BRD7: variants seen among roughly 807,000 people sequenced by gnomAD.
BRD7 encodes bromodomain containing 7.
Under a neutral mutation model 82.1 loss-of-function variants are expected in BRD7, and 15 were observed. The observed-to-expected ratio is 0.18, with a 90% CI of 0.12 to 0.28. The LOEUF (loss-of-function observed/expected upper bound fraction) is 0.28, where lower values mean the gene tolerates loss of function less well. Among genes scored for constraint, BRD7 ranks in the 10% least tolerant of loss-of-function variants. The pLI, the probability that BRD7 is intolerant of heterozygous loss-of-function variation, is 1.00. For missense variants in BRD7, 638 were observed against 779.9 expected (o/e 0.82, Z 2.17); for synonymous variants, 232 against 266.9 (o/e 0.87, Z 1.27).
intron 2 of BRD7, among the ~76,000 whole-genome samples, chr16:50,365,414 C>CT (rs1567293618): frequency 6.6e-6 from 1 of 152,208 alleles, no homozygotes; most frequent in Non-Finnish European, 1.5e-5. Flanking sequence ...CTGACAAACT[C>CT]TGTCTAGGTA....
rs573230428 is a variant in BRD7 at position 50,339,719 on chromosome 16, C to A, written c.702+257G>T. ...CTGGAATTCAGGCTGATGTTTCAAG[C>A]TGATGTTTTATGTCTTAAGAGATAA... On this transcript the variant is annotated intron_variant, in intron 6 of 16. Coordinates refer to ENST00000394688, the MANE Select transcript of BRD7 (RefSeq NM_013263.5). Among the ~76,000 whole-genome samples the A allele has an allele frequency of 7.9e-5, 12 of 152,234 alleles. No individual in the cohort carries two copies. In the East Asian group the frequency reaches 2.3e-3, roughly 29 times the overall value.
chr16:50,324,463 T>C (rs2037252062), intron 11 of BRD7, among the ~76,000 whole-genome samples: 1 of 152,198 alleles, frequency 6.6e-6, no homozygotes, highest in Non-Finnish European at 1.5e-5. Context: ...TCACTGAGAA[T>C]GAAATTCCAA....
Position 50,317,428 on chromosome 16 carries a change from C to T in BRD7, c.*1783G>A, listed in dbSNP as rs2036853956. ...TGGCAAGTCAGGAAGGTTTCTGTTG[C>T]TAATATAACATAGAAACACATTAGT... On this transcript the variant is annotated 3_prime_UTR_variant, in exon 17 of 17. Transcript: ENST00000394688. The T allele has an allele frequency of 6.6e-6, 1 of 152,328 alleles. No homozygotes were observed. The highest frequency in any genetic ancestry group is 6.5e-5 in the Admixed American group (1 of 15,278). 9.4% of individuals were successfully genotyped at this position (152,328 alleles called of 1,614,324 possible).
intron 3 of BRD7, 44 bp from the exon 4 acceptor site, chr16:50,354,526 T>G (rs1186514116): frequency 6.0e-6 from 9 of 1,488,808 alleles, no homozygotes; most frequent in South Asian, 1.2e-5. Flanking sequence ...AAAAGGAGTA[T>G]TCTAGAGAGT....
At chr16:50,334,200 G>C (rs937880105) in intron 7 of BRD7, among the ~76,000 whole-genome samples, 1 of 152,176 alleles carries the variant, frequency 6.6e-6, no homozygotes, top group Non-Finnish European at 1.5e-5. Flanking sequence ...TAGTGTGAAC[G>C]GGCAGATGCG....
At chr16:50,343,603 C>A (rs1215151840) in intron 5 of BRD7, among the ~76,000 whole-genome samples, 3 of 152,200 alleles carry the variant, frequency 2.0e-5, no homozygotes, top group Admixed American at 6.5e-5. Context: ...GACACTCCCA[C>A]CCTAATACTG....
intron 2 of BRD7, 47 bp from the exon 3 acceptor site, chr16:50,354,969 A>G (rs1034407065): frequency 3.2e-6 from 5 of 1,583,916 alleles, no homozygotes; most frequent in Non-Finnish European, 4.3e-6. Context: ...CAGAACCAAT[A>G]TCTTTAAATA....
At position 50,323,927 on chromosome 16, in the gene BRD7, C is replaced by T. The variant is rs113076468; in HGVS notation, c.1332-229G>A. 3.9e-4 allele frequency among the ~76,000 whole-genome samples: 59 copies of T among 152,260 alleles called. No individual in the cohort carries two copies. The East Asian group carries it at 8.7e-3, about 22-fold the overall frequency. ...CCAAAGAAAAATGAAACCTCAGTGACGGGTGCAGGCTCAGTCCCTGGATCT... is the reference window on the plus strand; with the variant it reads ...CCAAAGAAAAATGAAACCTCAGTGATGGGTGCAGGCTCAGTCCCTGGATCT... On this transcript the variant is annotated intron_variant, in intron 11 of 16. Transcript: ENST00000394688.
intron 2 of BRD7, among the ~76,000 whole-genome samples, chr16:50,356,652 G>A (rs2038743293): frequency 6.6e-6 from 1 of 151,714 alleles, no homozygotes; most frequent in Non-Finnish European, 1.5e-5. Context: ...CAGAAGGAAA[G>A]ACAGAAATGG....
intron 5 of BRD7, among the ~76,000 whole-genome samples, chr16:50,343,203 T>C (rs560830680): frequency 2.6e-5 from 4 of 152,332 alleles, no homozygotes; most frequent in African/African-American, 7.2e-5. Flanking sequence ...CCCAATCTCA[T>C]GTTGAATTGT....
chr16:50,344,013 T>G (rs1165710217), intron 5 of BRD7, among the ~76,000 whole-genome samples: 1 of 152,176 alleles, frequency 6.6e-6, no homozygotes, highest in African/African-American at 2.4e-5. Flanking sequence ...GGCACCTCCC[T>G]GTAGGGGCCA....
chr16:50,333,836 T>C, intron 7 of BRD7, 139 bp from the exon 8 acceptor site: 1 of 728,824 alleles, frequency 1.4e-6, no homozygotes, highest in Non-Finnish European at 2.2e-6. Flanking sequence ...ACTTCCTTGA[T>C]GACCTGTTAA....
chr16:50,324,955 A>G (rs889618475), intron 11 of BRD7, among the ~76,000 whole-genome samples: 1 of 152,242 alleles, frequency 6.6e-6, no homozygotes, highest in Non-Finnish European at 1.5e-5. Flanking sequence ...CTACCTTGTA[A>G]AAACAACAAC....
chr16:50,332,084 G>A (rs1264952537), intron 8 of BRD7, among the ~76,000 whole-genome samples: 1 of 152,114 alleles, frequency 6.6e-6, no homozygotes, highest in Non-Finnish European at 1.5e-5. Context: ...CCTCGGCAAA[G>A]AATTTTCTAT....
At chr16:50,348,669 C>T (rs1215965482) in intron 5 of BRD7, among the ~76,000 whole-genome samples, 1 of 152,212 alleles carries the variant, frequency 6.6e-6, no homozygotes, top group African/African-American at 2.4e-5. Context: ...CTCATCATCA[C>T]TGGCAGTCGG....
intron 3 of BRD7, 45 bp downstream of exon 3, chr16:50,354,748 T>C: frequency 6.3e-7 from 1 of 1,584,552 alleles, no homozygotes; most frequent in Non-Finnish European, 8.6e-7. Context: ...GCTATAATGA[T>C]TTCAGCCTCC....
intron 4 of BRD7, among the ~76,000 whole-genome samples, chr16:50,351,434 C>A (rs2038519624): frequency 6.6e-6 from 1 of 152,218 alleles, no homozygotes. Context: ...ACAGGAGTTA[C>A]CGTAACGGCA....
At chr16:50,351,630 T>C (rs911192514) in intron 4 of BRD7, among the ~76,000 whole-genome samples, 1 of 152,238 alleles carries the variant, frequency 6.6e-6, no homozygotes, top group African/African-American at 2.4e-5. Context: ...AATCATCCAA[T>C]CACTAAAACT....
intron 5 of BRD7, among the ~76,000 whole-genome samples, chr16:50,346,127 G>A (rs563410426): frequency 2.6e-5 from 4 of 152,212 alleles, no homozygotes; most frequent in Admixed American, 2.0e-4. Flanking sequence ...ACTCAAAACC[G>A]CTCAACTACA....
Sources: allele counts gnomAD v4.1 joint callset (sites outside exome capture counted in the v4.1 genomes callset), GRCh38; gene constraint gnomAD v4.1.1; transcripts MANE v1.5; gene names NCBI Gene and HGNC (gene_info 2026-07-23, HGNC 2026-07-21).